Variants in ADAM22 observed in about 807,000 individuals in gnomAD.
ADAM22 encodes the protein ADAM metallopeptidase domain 22.
ADAM22 carries 65 observed loss-of-function variants against 144.6 expected under a neutral mutation model. The ratio of observed to expected loss-of-function variants is 0.45; its 90% CI spans 0.37 to 0.55. ADAM22 has a LOEUF of 0.55. Ranked by LOEUF, ADAM22 falls within the 20% of genes least tolerant of loss-of-function variation. The pLI is 0.00. For synonymous variants in ADAM22, 391 were observed against 412.6 expected, an observed-to-expected ratio of 0.95 and a Z score of 0.63; for missense variants, 974 against 1,184.9, an observed-to-expected ratio of 0.82 and a Z score of 2.61.
At chr7:87,998,471 A>G (rs958983602) in intron 3 of ADAM22, among the ~76,000 whole-genome samples, 1 of 151,810 alleles carries the variant, frequency 6.6e-6, no homozygotes, top group African/African-American at 2.4e-5. Context: ...GCTCACTGCA[A>G]CCTCCGCCTC....
intron 2 of ADAM22, among the ~76,000 whole-genome samples, chr7:87,953,279 A>G (rs1205746087): frequency 2.6e-5 from 4 of 151,864 alleles, no homozygotes; most frequent in Non-Finnish European, 5.9e-5. Flanking sequence ...GTGGGCATTT[A>G]GTGCTATAAA....
At chr7:88,181,843 C>A (rs1431266921) in intron 28 of ADAM22, 115 bp from the exon 29 acceptor site, 1 of 970,934 alleles carries the variant, frequency 1.0e-6, no homozygotes, top group Non-Finnish European at 1.6e-6. Flanking sequence ...TGTGACAAAC[C>A]CGGTGTTCCA....
At chr7:87,942,895 G>GA (rs1393128412) in intron 2 of ADAM22, among the ~76,000 whole-genome samples, 1 of 151,886 alleles carries the variant, frequency 6.6e-6, no homozygotes, top group Non-Finnish European at 1.5e-5. Context: ...TTCTCCAAAA[G>GA]AAAAAATACA....
chr7:87,972,723 G>A (rs1850774650), intron 2 of ADAM22, among the ~76,000 whole-genome samples: 1 of 152,138 alleles, frequency 6.6e-6, no homozygotes, highest in African/African-American at 2.4e-5. Flanking sequence ...CATGGTACTG[G>A]TACCAAAACA....
intron 2 of ADAM22, among the ~76,000 whole-genome samples, chr7:87,954,507 G>A (rs1183974114): frequency 6.6e-6 from 1 of 152,216 alleles, no homozygotes; most frequent in East Asian, 1.9e-4. Flanking sequence ...TCTGCTGAGA[G>A]ATCTGCTGTT....
chr7:87,966,720 C>G (rs910582237), intron 2 of ADAM22, among the ~76,000 whole-genome samples: 2 of 30,180 alleles, frequency 6.6e-5, no homozygotes, highest in East Asian at 6.5e-4. Flanking sequence ...CAAGGAAAGC[C>G]GTTTTTTTTT....
chr7:88,005,713 T>C (rs2129458065), intron 3 of ADAM22, among the ~76,000 whole-genome samples: 1 of 152,118 alleles, frequency 6.6e-6, no homozygotes, highest in East Asian at 1.9e-4. Context: ...TTTACTAATA[T>C]GATACAAGGC....
In ADAM22 at chr7:87,985,457, G is replaced by T. The variant is rs184297072; in HGVS notation, c.323+7045G>T. On this transcript the variant is annotated intron_variant, in intron 3 of 31. Coordinates refer to ENST00000413139, the MANE Select transcript of ADAM22 (RefSeq NM_001324418.2). ...ATGCTTTTCATTTTTCAACAAGATTGTTTGTTGCCATTTACATGTAAACCT... is the reference window on the plus strand; with the variant it reads ...ATGCTTTTCATTTTTCAACAAGATTTTTTGTTGCCATTTACATGTAAACCT... Among the ~76,000 whole-genome samples, 607 of 152,132 alleles carry T rather than the reference G, an allele frequency of 4.0e-3. 1 individual carries two copies. The highest frequency in any genetic ancestry group is 6.9e-3 in the Non-Finnish European group (466 of 67,990).
intron 28 of ADAM22, 41 bp from the exon 29 acceptor site, chr7:88,181,917 C>A (rs1428956342): frequency 6.4e-7 from 1 of 1,572,942 alleles, no homozygotes; most frequent in East Asian, 2.2e-5. Context: ...AGGGCAATCA[C>A]TTATTTACAT....
At chr7:88,157,794 G>C (rs1336552479) in intron 22 of ADAM22, among the ~76,000 whole-genome samples, 1 of 152,080 alleles carries the variant, frequency 6.6e-6, no homozygotes, top group African/African-American at 2.4e-5. Flanking sequence ...ATGAGTATCT[G>C]GAAGAATATC....
chr7:88,039,611 A>ATG (rs3085480), intron 3 of ADAM22, among the ~76,000 whole-genome samples: 61,683 of 145,380 alleles, frequency 0.42, 13,780 homozygotes, highest in East Asian at 0.58. Flanking sequence ...TCATGTTTGC[A>ATG]TGTGTGTGTG....
chr7:88,050,710 G>A lies in ADAM22; in HGVS notation c.324-24916G>A, dbSNP rs191958620. ...CACCCACTTTTTGATGGGGTTGTTT[G>A]TTTTTTTCTTGTAAATTTGTTTAAG... On this transcript the variant is annotated intron_variant, in intron 3 of 31. Coordinates refer to ENST00000413139, the MANE Select transcript of ADAM22 (RefSeq NM_001324418.2). Among the ~76,000 whole-genome samples, 114 of 152,090 alleles carry A rather than the reference G, an allele frequency of 7.5e-4. 1 individual carries two copies. Among genetic ancestry groups the A allele is most frequent in the Admixed American group, 2.0e-3 (31 of 15,272 alleles).
chr7:88,117,457 T>A (rs1828044699), intron 7 of ADAM22, among the ~76,000 whole-genome samples: 1 of 152,220 alleles, frequency 6.6e-6, no homozygotes, highest in Non-Finnish European at 1.5e-5. Context: ...TAGCAACCTA[T>A]GTTGCTTTGA....
At chr7:88,014,437 A>G (rs1796111743) in intron 3 of ADAM22, among the ~76,000 whole-genome samples, 2 of 152,144 alleles carry the variant, frequency 1.3e-5, no homozygotes, top group Admixed American at 6.5e-5. Flanking sequence ...CAGCAGGCAC[A>G]TTGTCAAGAA....
At chr7:88,063,965 GAGA>G (rs1378161453) in intron 3 of ADAM22, among the ~76,000 whole-genome samples, 6 of 152,238 alleles carry the variant, frequency 3.9e-5, no homozygotes, top group African/African-American at 1.2e-4. Context: ...AAATAAGAGG[GAGA>G]AGATCAAGAA....
At chr7:88,141,692 G>T (rs1240392887) in intron 14 of ADAM22, among the ~76,000 whole-genome samples, 1 of 151,908 alleles carries the variant, frequency 6.6e-6, no homozygotes, top group Non-Finnish European at 1.5e-5. Flanking sequence ...GCATTTTTCT[G>T]AGTCTGTTCT....
At chr7:88,107,198 C>CTTTTTTTTTT (rs561936408) in intron 4 of ADAM22, among the ~76,000 whole-genome samples, 1 of 76,582 alleles carries the variant, frequency 1.3e-5, no homozygotes, top group Non-Finnish European at 2.4e-5. Flanking sequence ...GATTGAATTT[C>CTTTTTTTTTT]TTTTTTTTTT....
chr7:87,974,047 C>G (rs1851240692), intron 2 of ADAM22, among the ~76,000 whole-genome samples: 2 of 150,976 alleles, frequency 1.3e-5, no homozygotes, highest in Non-Finnish European at 2.9e-5. Flanking sequence ...TGTAACAAAG[C>G]TGCACGTTGT....
intron 3 of ADAM22, among the ~76,000 whole-genome samples, chr7:88,074,998 T>A (rs1005762160): frequency 6.6e-6 from 1 of 152,162 alleles, no homozygotes; most frequent in African/African-American, 2.4e-5. Context: ...TAAAAATATT[T>A]TACGGAAGTT....
Sources: gnomAD v4.1 joint callset for allele counts (sites outside exome capture counted in the v4.1 genomes callset) on GRCh38, gnomAD v4.1.1 for gene constraint, MANE v1.5 for transcripts, NCBI Gene and HGNC (gene_info 2026-07-23, HGNC 2026-07-21) for gene names.